Variants in TMEM236 observed in about 807,000 individuals in gnomAD.
TMEM236 encodes transmembrane protein 236.
In TMEM236, 11 loss-of-function variants were observed where a neutral mutation model predicts 14.7. That is an observed-to-expected ratio of 0.75 (90% CI 0.47 to 1.24). TMEM236 has a LOEUF of 1.24. Ranked by LOEUF, TMEM236 falls within the 50% of genes most tolerant of loss-of-function variation. TMEM236 has a pLI of 0.00. For missense variants in TMEM236, 464 were observed against 427.3 expected (o/e 1.09, Z -0.76); for synonymous variants, 182 against 168.6 (o/e 1.08, Z -0.62).
At chr10:17,762,071 C>T (rs1183924390) in intron 1 of TMEM236, among the ~76,000 whole-genome samples, 2 of 152,112 alleles carry the variant, frequency 1.3e-5, no homozygotes, top group African/African-American at 4.8e-5. Context: ...TTTGAACACT[C>T]CCATCAGCTC....
intron 1 of TMEM236, among the ~76,000 whole-genome samples, chr10:17,762,614 TATATAC>T (rs1425215305): frequency 0.012 from 951 of 78,016 alleles, 1 homozygote; most frequent in African/African-American, 0.017. Context: ...TATATATATA[TATATAC>T]ACACATACAT....
At chr10:17,753,454 T>C (rs1217994240) in intron 1 of TMEM236, among the ~76,000 whole-genome samples, 1 of 152,146 alleles carries the variant, frequency 6.6e-6, no homozygotes, top group African/African-American at 2.4e-5. Context: ...TGTGTGCATG[T>C]GTTCTCATCA....
At chr10:17,789,986 G>T (rs916854559) in intron 3 of TMEM236, among the ~76,000 whole-genome samples, 9 of 151,926 alleles carry the variant, frequency 5.9e-5, no homozygotes, top group Non-Finnish European at 1.2e-4. Flanking sequence ...ATCGCGCCAT[G>T]GCACTCCAGC....
intron 1 of TMEM236, among the ~76,000 whole-genome samples, chr10:17,765,804 A>G (rs1448855490): frequency 6.6e-6 from 1 of 152,102 alleles, no homozygotes; most frequent in African/African-American, 2.4e-5. Context: ...CTGTGGTTTT[A>G]AGTTGGGCGC....
chr10:17,770,593 C>T (rs1414366231), intron 1 of TMEM236, among the ~76,000 whole-genome samples: 1 of 152,158 alleles, frequency 6.6e-6, no homozygotes, highest in African/African-American at 2.4e-5. Context: ...CCATGTTAGC[C>T]AGGATGGTCT....
At chr10:17,757,889 C>T (rs1258653238) in intron 1 of TMEM236, among the ~76,000 whole-genome samples, 1 of 152,054 alleles carries the variant, frequency 6.6e-6, no homozygotes, top group Non-Finnish European at 1.5e-5. Context: ...TCATCTCAGC[C>T]TCCTGAGTAG....
At chr10:17,792,855 G>C (rs1167391157) in intron 3 of TMEM236, among the ~76,000 whole-genome samples, 1 of 152,180 alleles carries the variant, frequency 6.6e-6, no homozygotes, top group Non-Finnish European at 1.5e-5. Flanking sequence ...AAGAATTCCA[G>C]CTCTAAGTGG....
chr10:17,778,039 A>G (rs999206102), intron 3 of TMEM236, among the ~76,000 whole-genome samples: 4 of 151,672 alleles, frequency 2.6e-5, no homozygotes, highest in African/African-American at 9.7e-5. Flanking sequence ...GTGGCTGGCC[A>G]TTAGTTGGGT....
Position 17,776,023 on chromosome 10 carries a change from A to C in TMEM236, c.331-6A>C. 3.1e-6 allele frequency: 5 copies of C among 1,613,870 alleles called. No individual in the cohort carries two copies. The highest frequency in any genetic ancestry group is 4.2e-6 in the Non-Finnish European group (5 of 1,179,810). Reference sequence around the variant, plus strand: ...TTAATGCTTGTAAATGGTTTTCTCTAAACAGGTTCAAAAGAGCATTAATGG... The same window carrying C: ...TTAATGCTTGTAAATGGTTTTCTCTCAACAGGTTCAAAAGAGCATTAATGG... On this transcript the variant is annotated splice_region_variant and splice_polypyrimidine_tract_variant and intron_variant, in intron 2 of 3. Transcript: ENST00000377495.
rs1230478883 is a variant in TMEM236 at position 17,780,452 on chromosome 10, T to A, written c.472+4282T>A. ...CCAGGCCAGACATGCTGTTACAAAG[T>A]GCTACAATAGATTTTAATAGCTAAA... On this transcript the variant is annotated intron_variant, in intron 3 of 3. Transcript: ENST00000377495. 6.6e-5 allele frequency among the ~76,000 whole-genome samples: 10 copies of A among 152,268 alleles called. No homozygotes were observed. In the South Asian group the frequency reaches 2.1e-3, roughly 32 times the overall value.
At chr10:17,753,970 G>C (rs924496623) in intron 1 of TMEM236, among the ~76,000 whole-genome samples, 4 of 152,164 alleles carry the variant, frequency 2.6e-5, no homozygotes, top group Non-Finnish European at 5.9e-5. Context: ...TACAATTACT[G>C]CTTCTGTGAA....
At chr10:17,761,710 A>AG (rs1437017360) in intron 1 of TMEM236, among the ~76,000 whole-genome samples, 28 of 151,102 alleles carry the variant, frequency 1.9e-4, no homozygotes, top group Non-Finnish European at 3.5e-4. Flanking sequence ...AAAAAAAAAA[A>AG]AGAAAAGGAA....
intron 2 of TMEM236, 59 bp from the exon 3 acceptor site, chr10:17,775,970 G>A (rs1837652568): frequency 1.3e-6 from 2 of 1,597,026 alleles, no homozygotes; most frequent in South Asian, 1.1e-5. Context: ...ACTATTGAAA[G>A]CATTTTGAGC....
chr10:17,786,972 G>C (rs1372958199), intron 3 of TMEM236, among the ~76,000 whole-genome samples: 3 of 152,128 alleles, frequency 2.0e-5, no homozygotes, highest in Non-Finnish European at 4.4e-5. Flanking sequence ...ATTCTCTCTT[G>C]CTGCCGCCAT....
chr10:17,770,134 G>T (rs1373321343), intron 1 of TMEM236, among the ~76,000 whole-genome samples: 4 of 152,248 alleles, frequency 2.6e-5, no homozygotes, highest in African/African-American at 9.6e-5. Context: ...GTGGCCTCCA[G>T]CTACAGCCAT....
Position 17,796,422 on chromosome 10 carries a change from T to C in TMEM236, c.974T>C (p.Ile325Thr), listed in dbSNP as rs1838016437. 6.2e-7 allele frequency: 1 copy of C among 1,613,852 alleles called. No homozygotes were observed. The highest frequency in any genetic ancestry group is 1.1e-5 in the South Asian group (1 of 91,064). ...CCCGTACTGGGCCTGTGTAAAAATATCCTCGTGACTCTCTCTTACATTTAC... is the reference window on the plus strand; with the variant it reads ...CCCGTACTGGGCCTGTGTAAAAATACCCTCGTGACTCTCTCTTACATTTAC... ...ITPVLGLCKNILVTLSYIYFN... is the reference protein window; with the variant it reads ...ITPVLGLCKNTLVTLSYIYFN... The change falls in exon 4 of 4, where the codon ATC becomes ACC. Residue 325 changes from isoleucine to threonine, a missense_variant. Physicochemically the swap from Ile to Thr is moderately conservative, Grantham distance 89. Coordinates refer to ENST00000377495, the MANE Select transcript of TMEM236 (RefSeq NM_001098844.3).
At chr10:17,791,093 G>T (rs936760390) in intron 3 of TMEM236, among the ~76,000 whole-genome samples, 1 of 152,158 alleles carries the variant, frequency 6.6e-6, no homozygotes, top group Non-Finnish European at 1.5e-5. Flanking sequence ...CTACTTGCTA[G>T]CTGTGTGACC....
At chr10:17,779,556 G>GCT (rs1837714698) in intron 3 of TMEM236, among the ~76,000 whole-genome samples, 8 of 152,132 alleles carry the variant, frequency 5.3e-5, no homozygotes, top group African/African-American at 1.9e-4. Flanking sequence ...GAATACAGGA[G>GCT]GGCACCACCA....
chr10:17,775,073 T>A (rs1837637769), intron 2 of TMEM236, among the ~76,000 whole-genome samples: 2 of 152,112 alleles, frequency 1.3e-5, no homozygotes, highest in African/African-American at 4.8e-5. Context: ...AGTGTTGGGA[T>A]TACAGGTGTG....
Sources: gnomAD v4.1 joint callset for allele counts (sites outside exome capture counted in the v4.1 genomes callset) on GRCh38, gnomAD v4.1.1 for gene constraint, MANE v1.5 for transcripts, NCBI Gene and HGNC (gene_info 2026-07-23, HGNC 2026-07-21) for gene names.